The following PFAS variants were observed in gnomAD, a reference collection of about 807,000 sequenced individuals.
The protein encoded by PFAS is FGAM synthase.
PFAS carries 97 observed loss-of-function variants against 140.6 expected under a neutral mutation model. That is an observed-to-expected ratio of 0.69 (90% CI 0.59 to 0.82). The LOEUF is 0.82. Among genes scored for constraint, PFAS ranks in the 40% least tolerant of loss-of-function variants. The pLI is 0.00. For synonymous variants in PFAS, 679 were observed against 718.8 expected (o/e 0.94, Z 0.88); for missense variants, 1,656 against 1,780.2 (o/e 0.93, Z 1.26).
chr17:8,263,306 T>C, intron 13 of PFAS, 41 bp downstream of exon 13: 5 of 1,607,162 alleles, frequency 3.1e-6, no homozygotes, highest in Non-Finnish European at 4.3e-6. Context: ...GCCTGCCTGG[T>C]ATCCTGCCAG....
Position 8,263,101 on chromosome 17 carries a change from GC to G in PFAS, c.1411-3del, listed in dbSNP as rs1421911370. ...CGCTGAGCTGAGCTATGCCATATAT[GC>G]CCCCAGGTGCAGGGAGATAACACCA... On this transcript the variant is annotated splice_region_variant and splice_polypyrimidine_tract_variant and intron_variant, in intron 12 of 27. Transcript: ENST00000314666. 1.2e-6 allele frequency: 2 copies of G among 1,613,758 alleles called. No individual in the cohort carries two copies. The highest frequency in any genetic ancestry group is 1.7e-6 in the Non-Finnish European group (2 of 1,179,664).
chr17:8,267,519 C>T lies in PFAS; in HGVS notation c.3268-32C>T. On this transcript the variant is annotated intron_variant, in intron 25 of 27. Coordinates refer to ENST00000314666, the MANE Select transcript of PFAS (RefSeq NM_012393.3). This position sits in a 1 kb window ranked among gnomAD's most constrained non-coding sequence, Gnocchi z 4.9. The stretch of plus-strand genomic sequence containing the variant: ...TTGTCCAGCCTCAGCTGCGTGTCCT[C>T]CCACCCACACTCCCCCTCCCCACCT... 1.9e-6 allele frequency: 3 copies of T among 1,584,124 alleles called. No homozygotes were observed. The highest frequency in any genetic ancestry group is 2.2e-5 in the South Asian group (2 of 90,560).
chr17:8,264,312 G>A lies in PFAS; in HGVS notation c.1892G>A (p.Trp631Ter). Residue 631 changes from tryptophan (W) to a stop codon, truncating the protein, a stop_gained, in exon 16 of 28, where the codon TGG becomes TAG. Transcript: ENST00000314666. LOFTEE classifies it high-confidence loss of function. Reference protein sequence around the residue: ...LPTPVDLELEWVLGKMPRKEF... With the variant: ...LPTPVDLELE ...ACCCCTGTGGACCTGGAGCTCGAATGGGTGCTGGGCAAGATGCCTCGGAAG... is the reference window on the plus strand; with the variant it reads ...ACCCCTGTGGACCTGGAGCTCGAATAGGTGCTGGGCAAGATGCCTCGGAAG... The A allele has an allele frequency of 1.9e-6, 3 of 1,614,036 alleles. No homozygotes were observed. The highest frequency in any genetic ancestry group is 1.1e-5 in the South Asian group (1 of 91,064).
chr17:8,265,301 G>C lies in PFAS; in HGVS notation c.2294G>C (p.Ser765Thr). 1 of 1,613,854 alleles carries C rather than the reference G, an allele frequency of 6.2e-7. No homozygotes were observed. The highest frequency in any genetic ancestry group is 1.7e-4 in the Middle Eastern group (1 of 6,018). ...LVTDLRDVKC[S>T]GNWMWAAKLP... The stretch of plus-strand genomic sequence containing the variant: ...TGCCACCCCCAGGATGTGAAGTGTA[G>C]CGGGAACTGGATGTGGGCAGCCAAG... Residue 765 changes from serine to threonine, a missense_variant, in exon 19 of 28, where the codon AGC (serine) becomes ACC (threonine). Physicochemically the swap from Ser to Thr is moderately conservative, Grantham distance 58. Coordinates refer to ENST00000314666, the MANE Select transcript of PFAS (RefSeq NM_012393.3).
chr17:8,248,013 G>C (rs749818659), upstream of PFAS: 3 of 1,559,384 alleles, frequency 1.9e-6, no homozygotes, highest in African/African-American at 2.7e-5. Flanking sequence ...CGGAGGAAGG[G>C]ACCTGGGCCC....
chr17:8,268,967 T>C lies in PFAS; in HGVS notation c.3720T>C (p.Phe1240=). The stretch of plus-strand genomic sequence containing the variant: ...CTTCCATCCCAGGTTACGTAGCATT[T>C]TCTTCTCCGGAACTCCAAGCTCAGA... ...WSAHGEGYVA[F]SSPELQAQIE... is the part of the protein sequence containing the mutation. The change falls in exon 28 of 28, where the codon TTT becomes TTC. Residue 1240 remains phenylalanine (F), a synonymous_variant. Coordinates refer to ENST00000314666, the MANE Select transcript of PFAS (RefSeq NM_012393.3). 1 of 1,614,194 alleles carries C rather than the reference T, an allele frequency of 6.2e-7. No homozygotes were observed. The highest frequency in any genetic ancestry group is 8.5e-7 in the Non-Finnish European group (1 of 1,180,026).
At chr17:8,253,075 G>A (rs1159189478) in intron 1 of PFAS, among the ~76,000 whole-genome samples, 1 of 152,134 alleles carries the variant, frequency 6.6e-6, no homozygotes, top group East Asian at 1.9e-4. Flanking sequence ...TGAATTGGGA[G>A]GGGGAGATAC....
intron 1 of PFAS, among the ~76,000 whole-genome samples, chr17:8,252,724 C>G (rs1597414611): frequency 6.6e-6 from 1 of 152,180 alleles, no homozygotes; most frequent in African/African-American, 2.4e-5. Flanking sequence ...CTCAAGTGAT[C>G]TTCCCACCTC....
chr17:8,264,274 G>A lies in PFAS; in HGVS notation c.1854G>A (p.Pro618=), dbSNP rs146140082. Residue 618 remains proline, a synonymous_variant, in exon 16 of 28, where the codon CCG becomes CCA. Transcript: ENST00000314666. ...VRRNGQGDAP[P]TPLPTPVDLE... is the part of the protein sequence containing the mutation. ...GAAATGGCCAGGGGGATGCCCCCCC[G>A]ACACCCCTGCCAACCCCTGTGGACC... The A allele has an allele frequency of 1.1e-4, 170 of 1,613,236 alleles. No individual in the cohort carries two copies. Among genetic ancestry groups the A allele is most frequent in the Non-Finnish European group, 1.3e-4 (159 of 1,179,630 alleles).
intron 11 of PFAS, among the ~76,000 whole-genome samples, chr17:8,260,579 T>C (rs1304129906): frequency 6.6e-6 from 1 of 152,260 alleles, no homozygotes. Context: ...TTAGCTATTA[T>C]GCATAATGCT....
intron 13 of PFAS, 81 bp downstream of exon 13, chr17:8,263,346 TCCAA>T: frequency 1.4e-6 from 2 of 1,456,918 alleles, no homozygotes; most frequent in Non-Finnish European, 1.9e-6. Context: ...ATCAGGAATC[TCCAA>T]CCAACCACCC....
intron 15 of PFAS, 113 bp downstream of exon 15, chr17:8,264,049 T>C: frequency 6.8e-7 from 1 of 1,467,418 alleles, no homozygotes; most frequent in East Asian, 2.3e-5. Context: ...TGGGAGGTAG[T>C]GGCAAACAAG....
chr17:8,268,949 C>G lies in PFAS; in HGVS notation c.3707-5C>G, dbSNP rs1157060035. 1 of 1,614,070 alleles carries G rather than the reference C, an allele frequency of 6.2e-7. No individual in the cohort carries two copies. The highest frequency in any genetic ancestry group is 8.5e-7 in the Non-Finnish European group (1 of 1,179,944). ...GCTCTCACTTCCCTCCTCCTTCCAT[C>G]CCAGGTTACGTAGCATTTTCTTCTC... On this transcript the variant is annotated splice_region_variant and splice_polypyrimidine_tract_variant and intron_variant, in intron 27 of 27. Transcript: ENST00000314666.
intron 1 of PFAS, among the ~76,000 whole-genome samples, chr17:8,251,236 A>T (rs565019841): frequency 1.3e-5 from 2 of 152,228 alleles, no homozygotes; most frequent in South Asian, 2.1e-4. Context: ...CAGTGAGCCG[A>T]GATCGTGCCA....
In PFAS at chr17:8,266,197, G is replaced by T; in HGVS notation, c.2702-37G>T. ...GGTGGGGTGGGGCTGTCAGGTTTGGGTCCCGAGGTTGCTGAGCTTTCTTCT... is the reference window on the plus strand; with the variant it reads ...GGTGGGGTGGGGCTGTCAGGTTTGGTTCCCGAGGTTGCTGAGCTTTCTTCT... On this transcript the variant is annotated intron_variant, in intron 21 of 27. Transcript: ENST00000314666. The surrounding 1 kb of genome is among the most constrained non-coding windows in gnomAD (Gnocchi z 5.0). 1 of 1,611,686 alleles carries T rather than the reference G, an allele frequency of 6.2e-7. No homozygotes were observed. Among genetic ancestry groups the T allele is most frequent in the Non-Finnish European group, 8.5e-7 (1 of 1,178,584 alleles).
intron 1 of PFAS, among the ~76,000 whole-genome samples, chr17:8,250,916 G>A (rs754029072): frequency 6.6e-6 from 1 of 151,990 alleles, no homozygotes; most frequent in Non-Finnish European, 1.5e-5. Flanking sequence ...CATGAAACAG[G>A]GAGATGAAGA....
chr17:8,268,675 T>C lies in PFAS; in HGVS notation c.3525T>C (p.Asn1175=). 6.2e-7 allele frequency: 1 copy of C among 1,613,332 alleles called. No individual in the cohort carries two copies. Among genetic ancestry groups the C allele is most frequent in the Non-Finnish European group, 8.5e-7 (1 of 1,179,898 alleles). ...ALLGWVGGDP[N]EDAAEMGPDS... Reference sequence around the variant, plus strand: ...TCGGCTGGGTGGGAGGCGACCCCAATGAGGATGCTGCAGAGATGGGCCCTG... The same window carrying C: ...TCGGCTGGGTGGGAGGCGACCCCAACGAGGATGCTGCAGAGATGGGCCCTG... Residue 1175 remains asparagine (N), a synonymous_variant, in exon 27 of 28, where the codon AAT becomes AAC. Transcript: ENST00000314666.
At chr17:8,257,373 G>C (rs553957244) in intron 9 of PFAS, among the ~76,000 whole-genome samples, 4 of 151,936 alleles carry the variant, frequency 2.6e-5, no homozygotes, top group African/African-American at 9.7e-5. Context: ...TGGCTAACAC[G>C]GTGAAACCCC....
chr17:8,263,331 G>T, intron 13 of PFAS, 66 bp downstream of exon 13: 1 of 1,548,420 alleles, frequency 6.5e-7, no homozygotes. Flanking sequence ...CGTTTAGGGA[G>T]AGGTATCAGG....
Sources: allele counts gnomAD v4.1 joint callset (sites outside exome capture counted in the v4.1 genomes callset), GRCh38; gene constraint gnomAD v4.1.1; non-coding constraint Gnocchi (gnomAD v3.1); transcripts MANE v1.5; gene names NCBI Gene and HGNC (gene_info 2026-07-23, HGNC 2026-07-21).